NT5C2: variants seen among roughly 807,000 people sequenced by gnomAD.
NT5C2 encodes 5'-nucleotidase, cytosolic II.
In NT5C2, 58 loss-of-function variants were observed where a neutral mutation model predicts 76.1. The ratio of observed to expected loss-of-function variants is 0.76; its 90% confidence interval spans 0.62 to 0.95. NT5C2 has a LOEUF of 0.95. Among genes scored for constraint, NT5C2 ranks in the 40% least tolerant of loss-of-function variants. NT5C2 has a pLI of 0.00. For missense variants in NT5C2, 478 were observed against 690.3 expected (o/e 0.69, Z 3.45); for synonymous variants, 229 against 237.4 (o/e 0.96, Z 0.32).
chr10:103,137,273 T>C (rs565664013), intron 4 of NT5C2, among the ~76,000 whole-genome samples: 2 of 152,314 alleles, frequency 1.3e-5, no homozygotes, highest in South Asian at 2.1e-4. Context: ...TATACTGCTT[T>C]CCCCTGCTTT....
intron 4 of NT5C2, among the ~76,000 whole-genome samples, chr10:103,137,384 T>TA (rs2079496016): frequency 1.3e-5 from 2 of 151,748 alleles, no homozygotes; most frequent in South Asian, 4.2e-4. Context: ...TGACAAAGAG[T>TA]ATGGAGGGAA....
intron 2 of NT5C2, among the ~76,000 whole-genome samples, chr10:103,177,643 T>C (rs1402469653): frequency 6.6e-6 from 1 of 152,114 alleles, no homozygotes; most frequent in Non-Finnish European, 1.5e-5. Flanking sequence ...CACCTCAGGC[T>C]CCAGAACAGC....
intron 6 of NT5C2, chr10:103,105,438 A>G (rs2070981491): frequency 5.7e-6 from 4 of 704,566 alleles, no homozygotes; most frequent in South Asian, 2.4e-5. Flanking sequence ...CAAAACTACT[A>G]AAGTTCTTCT....
intron 3 of NT5C2, among the ~76,000 whole-genome samples, chr10:103,166,016 G>A (rs139234631): frequency 3.9e-5 from 6 of 152,336 alleles, no homozygotes; most frequent in African/African-American, 1.2e-4. Flanking sequence ...TGGAGTAATT[G>A]TAGATTCACA....
intron 3 of NT5C2, among the ~76,000 whole-genome samples, chr10:103,163,506 T>A (rs931869920): frequency 6.6e-6 from 1 of 152,176 alleles, no homozygotes; most frequent in African/African-American, 2.4e-5. Context: ...TTAATTTTTA[T>A]CTTCCTAATG....
chr10:103,111,735 G>A (rs1297582025), intron 4 of NT5C2: 7 of 1,231,500 alleles, frequency 5.7e-6, no homozygotes, highest in Non-Finnish European at 7.1e-6. Flanking sequence ...CTGCCAAAAT[G>A]AGAACTCACA....
intron 4 of NT5C2, among the ~76,000 whole-genome samples, chr10:103,123,457 A>C (rs2076079358): frequency 6.6e-6 from 1 of 152,132 alleles, no homozygotes; most frequent in Non-Finnish European, 1.5e-5. Flanking sequence ...TCCTGGGCTC[A>C]AGGGCTCACA....
At position 103,115,376 on chromosome 10, in the gene NT5C2, T is replaced by C. The variant is rs558429435; in HGVS notation, c.176-8670A>G. ...GAGATTGTGCCAATGCATTCTTGCCTGGGTGACAGAGCAAGACTCCGTCTC... is the reference window on the plus strand; with the variant it reads ...GAGATTGTGCCAATGCATTCTTGCCCGGGTGACAGAGCAAGACTCCGTCTC... On this transcript the variant is annotated intron_variant, in intron 4 of 18. Coordinates refer to ENST00000404739, the MANE Select transcript of NT5C2 (RefSeq NM_001351169.2). 5.3e-5 allele frequency among the ~76,000 whole-genome samples: 8 copies of C among 152,216 alleles called. No homozygotes were observed. In the East Asian group the frequency reaches 1.5e-3, roughly 29 times the overall value.
intron 4 of NT5C2, among the ~76,000 whole-genome samples, chr10:103,138,995 G>GA (rs985634149): frequency 3.3e-5 from 5 of 150,098 alleles, no homozygotes; most frequent in African/African-American, 1.2e-4. Flanking sequence ...GGACAAGAGC[G>GA]AAACTCCGTC....
Position 103,093,992 on chromosome 10 carries a change from T to C in NT5C2, c.968A>G (p.His323Arg), listed in dbSNP as rs1258460570. Residue 323 changes from histidine to arginine, a missense_variant, in exon 14 of 19, where the codon CAT (histidine) becomes CGT (arginine). His to Arg is a conservative substitution (Grantham distance 29). Transcript: ENST00000404739. ...CTTACCTCCTGAGTAGACGATACCA[T>C]GCTGTAGGGGCCCTGTGTAGGTACC... is the stretch of plus-strand genomic sequence containing the variant. ...KIGTYTGPLQ[H>R]GIVYSGGSSD... is the part of the protein sequence containing the mutation. The C allele has an allele frequency of 1.2e-6, 2 of 1,613,660 alleles. No individual in the cohort carries two copies. Among genetic ancestry groups the C allele is most frequent in the Non-Finnish European group, 1.7e-6 (2 of 1,179,688 alleles).
intron 6 of NT5C2, among the ~76,000 whole-genome samples, chr10:103,102,529 T>C (rs996955488): frequency 2.0e-4 from 30 of 151,820 alleles, no homozygotes; most frequent in Non-Finnish European, 3.2e-4. Context: ...TTTTTCTTTT[T>C]TCTTTTTTTT....
chr10:103,132,722 G>T (rs540218515), intron 4 of NT5C2, among the ~76,000 whole-genome samples: 23 of 151,986 alleles, frequency 1.5e-4, no homozygotes, highest in Non-Finnish European at 2.2e-4. Context: ...GCTAATTTTT[G>T]TATTTTTTTA....
At chr10:103,127,525 T>A (rs942655721) in intron 4 of NT5C2, among the ~76,000 whole-genome samples, 3 of 152,200 alleles carry the variant, frequency 2.0e-5, no homozygotes, top group African/African-American at 2.4e-5. Context: ...CTGAACACTA[T>A]GTGACACACT....
chr10:103,157,110 T>A (rs747744637), intron 3 of NT5C2, among the ~76,000 whole-genome samples: 37 of 149,382 alleles, frequency 2.5e-4, no homozygotes, highest in Non-Finnish European at 4.9e-4. Flanking sequence ...TTATGAAATG[T>A]TGTATTATGT....
At chr10:103,192,583 G>C (rs1175741395) in intron 1 of NT5C2, among the ~76,000 whole-genome samples, 1 of 152,238 alleles carries the variant, frequency 6.6e-6, no homozygotes, top group Non-Finnish European at 1.5e-5. Context: ...CTGTCCGGAT[G>C]TTTTTTGTGG....
chr10:103,104,393 A>T (rs1419590667), intron 6 of NT5C2, among the ~76,000 whole-genome samples: 1 of 152,224 alleles, frequency 6.6e-6, no homozygotes. Flanking sequence ...CTTATAATAC[A>T]AAAATTCCTT....
At chr10:103,112,424 G>T (rs529147329) in intron 4 of NT5C2, among the ~76,000 whole-genome samples, 4 of 152,240 alleles carry the variant, frequency 2.6e-5, no homozygotes, top group African/African-American at 9.6e-5. Context: ...TTTAAATTTT[G>T]ATTGTCAGTG....
At chr10:103,123,841 C>T (rs923766491) in intron 4 of NT5C2, among the ~76,000 whole-genome samples, 3 of 147,474 alleles carry the variant, frequency 2.0e-5, no homozygotes, top group Non-Finnish European at 3.0e-5. Flanking sequence ...CTCAAGCCTT[C>T]GAAATTGGGG....
intron 3 of NT5C2, 60 bp from the exon 4 acceptor site, chr10:103,139,539 A>G (rs941877541): frequency 4.2e-5 from 50 of 1,194,756 alleles, no homozygotes; most frequent in Admixed American, 1.5e-4. Flanking sequence ...CAAGTTTAAT[A>G]AAGTTATTTG....
Sources: gnomAD v4.1 joint callset for allele counts (sites outside exome capture counted in the v4.1 genomes callset) on GRCh38, gnomAD v4.1.1 for gene constraint, MANE v1.5 for transcripts, NCBI Gene and HGNC (gene_info 2026-07-23, HGNC 2026-07-21) for gene names.